REXO1: variants seen among roughly 807,000 people sequenced by gnomAD.
REXO1 encodes the protein RNA exonuclease 1 homolog.
Under a neutral mutation model 102.6 loss-of-function variants are expected in REXO1, and 42 were observed. The ratio of observed to expected loss-of-function variants is 0.41; its 90% CI spans 0.32 to 0.53. REXO1 has a LOEUF of 0.53. Ranked by LOEUF, REXO1 falls within the 20% of genes least tolerant of loss-of-function variation. The pLI, the probability that REXO1 is intolerant of heterozygous loss-of-function variation, is 0.27. For synonymous variants in REXO1, 908 were observed against 779.1 expected (o/e 1.17, Z -2.76); for missense variants, 1,819 against 1,732.5 (o/e 1.05, Z -0.89).
intron 1 of REXO1, among the ~76,000 whole-genome samples, chr19:1,840,267 GA>G (rs1202404229): frequency 1.3e-5 from 2 of 152,160 alleles, no homozygotes; most frequent in Non-Finnish European, 2.9e-5. Context: ...AGGAAGGAAG[GA>G]AAGTGGGAAG....
intron 10 of REXO1, 26 bp downstream of exon 10, chr19:1,818,456 G>C: frequency 6.5e-7 from 1 of 1,545,502 alleles, no homozygotes; most frequent in Non-Finnish European, 8.8e-7. Flanking sequence ...TGGGTGGGAA[G>C]GGGAAGGACC....
At chr19:1,847,430 G>A (rs572669879) in intron 1 of REXO1, among the ~76,000 whole-genome samples, 10 of 152,178 alleles carry the variant, frequency 6.6e-5, no homozygotes. Context: ...CCACTATCAA[G>A]GGACAGAGGT....
Position 1,828,143 on chromosome 19 carries a change from C to T in REXO1, c.646G>A (p.Val216Ile), listed in dbSNP as rs771318546. The T allele has an allele frequency of 1.4e-5, 22 of 1,611,050 alleles. No homozygotes were observed. The highest frequency in any genetic ancestry group is 2.2e-5 in the East Asian group (1 of 44,854). Residue 216 changes from valine (V) to isoleucine (I), a missense_variant, in exon 2 of 16, where the codon GTT becomes ATT. Val to Ile is a conservative substitution (Grantham distance 29). Coordinates refer to ENST00000170168, the MANE Select transcript of REXO1 (RefSeq NM_020695.4). ...VSQPRRHSRP[V>I]PSGKYVVDNS... is the part of the protein sequence containing the mutation. ...TCCACCACGTACTTGCCACTGGGAA[C>T]GGGGCGGCTGTGCCGCCGGGGCTGG...
intron 1 of REXO1, among the ~76,000 whole-genome samples, chr19:1,829,066 G>A (rs935845250): frequency 6.6e-6 from 1 of 152,226 alleles, no homozygotes; most frequent in Non-Finnish European, 1.5e-5. Flanking sequence ...GGACACAGGA[G>A]AGCCCTTCCT....
Position 1,826,918 on chromosome 19 carries a change from G to A in REXO1, c.1871C>T (p.Thr624Ile). The A allele has an allele frequency of 3.2e-6, 5 of 1,584,270 alleles. No individual in the cohort carries two copies. The highest frequency in any genetic ancestry group is 4.3e-6 in the Non-Finnish European group (5 of 1,166,134). Residue 624 changes from threonine (T) to isoleucine (I), a missense_variant, in exon 2 of 16, where the codon ACC (threonine) becomes ATC (isoleucine). Physicochemically the swap from Thr to Ile is moderately conservative, Grantham distance 89. Coordinates refer to ENST00000170168, the MANE Select transcript of REXO1 (RefSeq NM_020695.4). This position sits in a 1 kb window ranked among gnomAD's most constrained non-coding sequence, Gnocchi z 4.3. ...GCCTCTGTCCTCCGTCTTGACGCTG[G>A]TGGACTCGTTGAAGATCCGCAGGCA... ...EECLRIFNES[T>I]SVKTEDRGRL...
chr19:1,823,551 G>C, intron 4 of REXO1, 21 bp downstream of exon 4: 1 of 1,287,478 alleles, frequency 7.8e-7, no homozygotes, highest in Non-Finnish European at 9.9e-7. Context: ...CCCGGCACAG[G>C]CCCCCTGGGC....
chr19:1,844,234 C>T (rs1192910386), intron 1 of REXO1, among the ~76,000 whole-genome samples: 1 of 152,244 alleles, frequency 6.6e-6, no homozygotes, highest in Non-Finnish European at 1.5e-5. Context: ...CACGCGTACA[C>T]AGGTGAGCAG....
At chr19:1,821,781 T>C in intron 4 of REXO1, 99 bp from the exon 5 acceptor site, 1 of 1,116,860 alleles carries the variant, frequency 9.0e-7, no homozygotes. Flanking sequence ...CAGCAGCACG[T>C]GCATCTCCGC....
intron 1 of REXO1, among the ~76,000 whole-genome samples, chr19:1,839,149 G>T (rs989837473): frequency 1.3e-5 from 2 of 151,906 alleles, no homozygotes; most frequent in Non-Finnish European, 2.9e-5. Context: ...CCAGCTACTC[G>T]GGAGGCTGAG....
rs576948816 is a variant in REXO1, at chr19:1,840,883, T to G, written c.157+7319A>C. ...CAGAGAACACTGAAGTCCTGTGGTG[T>G]GTGTGTCCAGGCTCAGCCCACAGCT... On this transcript the variant is annotated intron_variant, in intron 1 of 15. Coordinates refer to ENST00000170168, the MANE Select transcript of REXO1 (RefSeq NM_020695.4). Among the ~76,000 whole-genome samples the G allele has an allele frequency of 1.3e-3, 194 of 152,262 alleles. 1 individual carries two copies. The highest frequency in any genetic ancestry group is 4.0e-3 in the African/African-American group (166 of 41,536).
At chr19:1,821,489 G>T in intron 5 of REXO1, 30 bp downstream of exon 5, 1 of 1,612,836 alleles carries the variant, frequency 6.2e-7, no homozygotes, top group Non-Finnish European at 8.5e-7. Context: ...TCTTGGGGGT[G>T]GTGGTCCTGG....
chr19:1,833,986 C>G (rs2145306247), intron 1 of REXO1, among the ~76,000 whole-genome samples: 1 of 152,292 alleles, frequency 6.6e-6, no homozygotes, highest in African/African-American at 2.4e-5. Flanking sequence ...CTCTCCTCCC[C>G]AGGCAGGGGT....
At chr19:1,821,878 A>G in intron 4 of REXO1, 196 bp from the exon 5 acceptor site, 1 of 601,650 alleles carries the variant, frequency 1.7e-6, no homozygotes, top group South Asian at 2.1e-5. Context: ...ATCGAGGCAG[A>G]GGACACAGGT....
intron 10 of REXO1, 107 bp downstream of exon 10, chr19:1,818,375 G>A: frequency 1.2e-6 from 1 of 809,582 alleles, no homozygotes. Flanking sequence ...CCCTGAGTGG[G>A]ATGGAGGGCC....
chr19:1,838,860 G>A (rs543784586), intron 1 of REXO1, among the ~76,000 whole-genome samples: 18 of 151,542 alleles, frequency 1.2e-4, no homozygotes, highest in Admixed American at 2.6e-4. Flanking sequence ...GCTCACGCCT[G>A]TAACCCCAGC....
chr19:1,840,046 G>A (rs532401440), intron 1 of REXO1, among the ~76,000 whole-genome samples: 70 of 152,324 alleles, frequency 4.6e-4, no homozygotes, highest in African/African-American at 1.6e-3. Context: ...ACTGTGACCC[G>A]TGACCGTTAA....
intron 1 of REXO1, among the ~76,000 whole-genome samples, chr19:1,843,873 G>A (rs953408932): frequency 2.0e-5 from 3 of 152,224 alleles, no homozygotes; most frequent in Non-Finnish European, 2.9e-5. Context: ...CGCAGCCAGC[G>A]GGAGCTCCTG....
chr19:1,838,833 C>G (rs1167345128), intron 1 of REXO1, among the ~76,000 whole-genome samples: 1 of 152,110 alleles, frequency 6.6e-6, no homozygotes, highest in Non-Finnish European at 1.5e-5. Flanking sequence ...GAGTCCAGCT[C>G]TCAGCCGGGC....
chr19:1,820,380 T>C lies in REXO1; in HGVS notation c.2410A>G (p.Ile804Val), dbSNP rs34831403. The C allele has an allele frequency of 1.6e-4, 257 of 1,613,346 alleles. 2 individuals carry two copies. Among genetic ancestry groups the C allele is most frequent in the Middle Eastern group, 3.3e-4 (2 of 6,084 alleles). The change falls in exon 6 of 16, where the codon ATT becomes GTT. Residue 804 changes from isoleucine (I) to valine (V), a missense_variant. Coordinates refer to ENST00000170168, the MANE Select transcript of REXO1 (RefSeq NM_020695.4). ...TTGCCCCCAAACTCTTTGGGGATAATGGGTTTCTTTAAACTCTAGAGGGAA... is the reference window on the plus strand; with the variant it reads ...TTGCCCCCAAACTCTTTGGGGATAACGGGTTTCTTTAAACTCTAGAGGGAA... Reference protein sequence around the residue: ...SPSLQSLKKPIIPKEFGGKVP... With the variant: ...SPSLQSLKKPVIPKEFGGKVP...
Sources: allele counts gnomAD v4.1 joint callset (sites outside exome capture counted in the v4.1 genomes callset), GRCh38; gene constraint gnomAD v4.1.1; non-coding constraint Gnocchi (gnomAD v3.1); transcripts MANE v1.5; gene names NCBI Gene and HGNC (gene_info 2026-07-23, HGNC 2026-07-21).